Variants in BRCA1 observed in about 807,000 individuals in gnomAD.
The protein encoded by BRCA1 is breast cancer type 1 susceptibility protein.
Under a neutral mutation model 173.7 loss-of-function variants are expected in BRCA1, and 140 were observed. The ratio of observed to expected loss-of-function variants is 0.81; its 90% CI spans 0.70 to 0.93. The LOEUF (loss-of-function observed/expected upper bound fraction) is 0.93. Ranked by LOEUF, BRCA1 falls within the 40% of genes least tolerant of loss-of-function variation. The probability of loss-of-function intolerance (pLI) is 0.00; values close to 1 mark genes in which losing one functional copy is unlikely to be tolerated. For missense variants in BRCA1, 1,983 were observed against 2,172.5 expected (o/e 0.91, Z 1.73); for synonymous variants, 662 against 756.0 (o/e 0.88, Z 2.04).
At chr17:43,164,048 T>G (rs1262327761) in intron 1 of BRCA1, 1 of 152,244 alleles carries the variant, frequency 6.6e-6, no homozygotes, top group Non-Finnish European at 1.5e-5. Flanking sequence ...TGGCCTGCCA[T>G]GTGCACAAGC....
intron 1 of BRCA1, among the ~76,000 whole-genome samples, chr17:43,156,068 C>A (rs1057399140): frequency 6.6e-6 from 1 of 152,012 alleles, no homozygotes; most frequent in Non-Finnish European, 1.5e-5. Flanking sequence ...GAAACCCCGC[C>A]TCTGCTAAAA....
chr17:43,104,678 C>T (rs1386879196), intron 5 of BRCA1, among the ~76,000 whole-genome samples, 190 bp downstream of exon 5: 1 of 152,196 alleles, frequency 6.6e-6, no homozygotes, highest in Non-Finnish European at 1.5e-5. Flanking sequence ...GAAAAATGTG[C>T]ACCTTACGAT....
Position 43,169,990 on chromosome 17 carries a change from C to A in BRCA1, c.-20+136G>T, listed in dbSNP as rs1465684270. 3.9e-5 allele frequency: 18 copies of A among 467,220 alleles called. No homozygotes were observed. The Admixed American group carries it at 4.0e-4, about 10-fold the overall frequency. The allele number at this position is 467,220 out of a possible 1,614,324, so 28.9% of individuals were successfully genotyped here. A position where few individuals can be genotyped will look rare whatever the true frequency, so the allele number is the denominator to read the frequency against. On this transcript the variant is annotated intron_variant, in intron 1 of 7. Transcript: ENST00000634433. ...TTTACACTGGCTGCTTTAATAAGGG[C>A]ATTGATCTTATCCTCCGTAAAGGTC...
intron 1 of BRCA1, among the ~76,000 whole-genome samples, chr17:43,135,457 G>A (rs2056011555): frequency 6.6e-6 from 1 of 152,212 alleles, no homozygotes; most frequent in Non-Finnish European, 1.5e-5. Context: ...CTGCGACAGG[G>A]ACCTGATACA....
chr17:43,078,088 CTTT>C (rs35184764), intron 12 of BRCA1, among the ~76,000 whole-genome samples: 2 of 144,408 alleles, frequency 1.4e-5, no homozygotes, highest in African/African-American at 2.5e-5. Flanking sequence ...TGGTTTCAAA[CTTT>C]TTTTTTTTTT....
At chr17:43,080,591 G>GT (rs2052960248) in intron 12 of BRCA1, among the ~76,000 whole-genome samples, 1 of 152,052 alleles carries the variant, frequency 6.6e-6, no homozygotes, top group South Asian at 2.1e-4. Flanking sequence ...GACTGCTTGA[G>GT]TCCAGGAGTT....
chr17:43,051,028 G>A (rs1331415640), intron 20 of BRCA1, 35 bp downstream of exon 20: 1 of 1,595,992 alleles, frequency 6.3e-7, no homozygotes, highest in Non-Finnish European at 8.6e-7. Context: ...GACAAAGGCT[G>A]GTGCTGGAAC....
intron 1 of BRCA1, chr17:43,131,308 A>T: frequency 2.1e-6 from 1 of 479,362 alleles, no homozygotes; most frequent in South Asian, 1.7e-5. Context: ...AGGTGTTCAG[A>T]ATAGGGATCT....
chr17:43,099,844 C>T lies in BRCA1; in HGVS notation c.478G>A (p.Gly160Arg), dbSNP rs62625285. ...TTTGTCCTCAGAGTTCTCACAGTTC[C>T]AAGGTTAGAGAGTTGGACACTGAGA... ...TSLSVQLSNL[G>R]TVRTLRTKQR... The change falls in exon 7 of 23, where the codon GGA (glycine) becomes AGA (arginine). Residue 160 changes from glycine to arginine, a missense_variant. By Grantham distance (125) the Gly-to-Arg change is moderately radical. Coordinates refer to ENST00000357654, the MANE Select transcript of BRCA1 (RefSeq NM_007294.4). 8.1e-6 allele frequency: 13 copies of T among 1,613,764 alleles called. No individual in the cohort carries two copies. The highest frequency in any genetic ancestry group is 1.1e-5 in the Non-Finnish European group (13 of 1,179,706).
rs80357872 is a variant in BRCA1, at chr17:43,099,807, TG to T, written c.514del (p.Gln172AsnfsTer62). ...AATGTAGACAGACGTCTTTTGAGGT[TG>T]TATCCGCTGCTTTGTCCTCAGAGTT... Reference protein sequence around the residue: ...VRTLRTKQRIQPQKTSVYIEL... With the variant: ...VRTLRTKQRIXPQKTSVYIEL... On this transcript the variant is annotated frameshift_variant, in exon 7 of 23. Coordinates refer to ENST00000357654, the MANE Select transcript of BRCA1 (RefSeq NM_007294.4). LOFTEE classifies it high-confidence loss of function. 3 of 1,613,276 alleles carry T rather than the reference TG, an allele frequency of 1.9e-6. No homozygotes were observed. The highest frequency in any genetic ancestry group is 1.7e-6 in the Non-Finnish European group (2 of 1,179,328).
At chr17:43,134,933 A>C (rs2056003526) in intron 1 of BRCA1, among the ~76,000 whole-genome samples, 1 of 152,210 alleles carries the variant, frequency 6.6e-6, no homozygotes, top group Non-Finnish European at 1.5e-5. Flanking sequence ...AAGCTTGCAG[A>C]CCCAGGCTGT....
intron 14 of BRCA1, among the ~76,000 whole-genome samples, chr17:43,071,726 G>A (rs974933222): frequency 2.0e-5 from 3 of 152,022 alleles, no homozygotes; most frequent in African/African-American, 4.8e-5. Context: ...TTTATGGGCC[G>A]AGCACGGTGG....
At chr17:43,127,479 A>G (rs983352123), upstream of BRCA1, among the ~76,000 whole-genome samples, 3 of 152,198 alleles carry the variant, frequency 2.0e-5, no homozygotes, top group Admixed American at 6.5e-5. Context: ...AAATGCACCA[A>G]TCAGCACTCT....
chr17:43,113,041 G>A (rs2154562693), intron 3 of BRCA1, among the ~76,000 whole-genome samples: 1 of 152,224 alleles, frequency 6.6e-6, no homozygotes, highest in Middle Eastern at 3.4e-3. Context: ...GACCTCAGGT[G>A]ATCCACCTGC....
At chr17:43,100,134 A>G (rs1434620267) in intron 6 of BRCA1, among the ~76,000 whole-genome samples, 1 of 152,226 alleles carries the variant, frequency 6.6e-6, no homozygotes, top group Non-Finnish European at 1.5e-5. Context: ...CAAGACCAGC[A>G]TAAGCAACAG....
At chr17:43,133,700 T>C (rs939510899) in intron 1 of BRCA1, among the ~76,000 whole-genome samples, 12 of 150,854 alleles carry the variant, frequency 8.0e-5, no homozygotes, top group East Asian at 2.0e-4. Flanking sequence ...AGTGGCATGA[T>C]CTTCGCTCAC....
intron 1 of BRCA1, chr17:43,164,831 C>G (rs1051349169): frequency 1.1e-4 from 17 of 152,162 alleles, no homozygotes; most frequent in Middle Eastern, 3.4e-3. Flanking sequence ...GGTACATGTG[C>G]TAAAAGACTT....
intron 1 of BRCA1, among the ~76,000 whole-genome samples, 170 bp from the exon 2 acceptor site, chr17:43,124,285 T>C (rs147915562): frequency 4.2e-4 from 64 of 152,328 alleles, no homozygotes; most frequent in African/African-American, 1.4e-3. Context: ...TTCTAGAAGT[T>C]GCTTTTTGTA....
chr17:43,100,606 T>TATAA, intron 6 of BRCA1, among the ~76,000 whole-genome samples: 1 of 90,092 alleles, frequency 1.1e-5, no homozygotes, highest in African/African-American at 4.3e-5. Context: ...TATATATATA[T>TATAA]AACATATATA....
Sources: gnomAD v4.1 joint callset for allele counts (sites outside exome capture counted in the v4.1 genomes callset) on GRCh38, gnomAD v4.1.1 for gene constraint, MANE v1.5 for transcripts, NCBI Gene and HGNC (gene_info 2026-07-23, HGNC 2026-07-21) for gene names.